Variants in CHMP6 observed in about 807,000 individuals in gnomAD.
The protein encoded by CHMP6 is charged multivesicular body protein 6.
CHMP6 carries 10 observed loss-of-function variants against 32.8 expected under a neutral mutation model. That is an observed-to-expected ratio of 0.30 (90% CI 0.19 to 0.52). The LOEUF is 0.52. CHMP6 is among the 20% of genes least tolerant of loss of function. CHMP6 has a pLI of 0.97. For synonymous variants in CHMP6, 123 were observed against 105.8 expected (o/e 1.16, Z -1.00); for missense variants, 269 against 263.8 (o/e 1.02, Z -0.14).
At chr17:80,998,472 G>A in intron 7 of CHMP6, 52 bp downstream of exon 7, 1 of 1,613,540 alleles carries the variant, frequency 6.2e-7, no homozygotes, top group Non-Finnish European at 8.5e-7. Context: ...GGAGAAAAGT[G>A]GATTCTAGAA....
chr17:80,992,261 C>T (rs970972304), intron 1 of CHMP6, among the ~76,000 whole-genome samples: 1 of 151,904 alleles, frequency 6.6e-6, no homozygotes, highest in African/African-American at 2.4e-5. Flanking sequence ...CGGCTGGTGA[C>T]TGCGGGATTC....
At chr17:80,998,604 G>A (rs756450650) in intron 7 of CHMP6, 184 bp downstream of exon 7, 93 of 1,456,000 alleles carry the variant, frequency 6.4e-5, no homozygotes, top group Non-Finnish European at 7.5e-5. Flanking sequence ...CCAGGGGTTC[G>A]GTAACTGGGC....
chr17:80,995,655 T>C lies in CHMP6; in HGVS notation c.262-17T>C, dbSNP rs1331848358. On this transcript the variant is annotated splice_polypyrimidine_tract_variant and intron_variant, in intron 3 of 7. Transcript: ENST00000325167. Reference sequence around the variant, plus strand: ...CCGGATCCTCAGCACCTGCGTCTGCTCTGGTTTCCTTTTCAGGTTCAGAGT... The same window carrying C: ...CCGGATCCTCAGCACCTGCGTCTGCCCTGGTTTCCTTTTCAGGTTCAGAGT... 1 of 1,612,834 alleles carries C rather than the reference T, an allele frequency of 6.2e-7. No homozygotes were observed. Among genetic ancestry groups the C allele is most frequent in the Non-Finnish European group, 8.5e-7 (1 of 1,178,872 alleles).
At chr17:80,998,166 TGCGTCACCA>T (rs2069655175) in intron 6 of CHMP6, among the ~76,000 whole-genome samples, 191 bp from the exon 7 acceptor site, 1 of 152,146 alleles carries the variant, frequency 6.6e-6, no homozygotes, top group Non-Finnish European at 1.5e-5. Context: ...TGGTAGCGGC[TGCGTCACCA>T]CCTAGGGGAT....
intron 4 of CHMP6, 65 bp from the exon 5 acceptor site, chr17:80,996,942 G>T: frequency 6.7e-7 from 1 of 1,497,716 alleles, no homozygotes. Context: ...AGCCCAGGAG[G>T]CCTCTGTCGG....
chr17:80,994,991 C>T (rs755535557), intron 2 of CHMP6, 28 bp from the exon 3 acceptor site: 16 of 1,568,734 alleles, frequency 1.0e-5, no homozygotes, highest in Admixed American at 9.6e-5. Flanking sequence ...AGGGCCACAG[C>T]GGGTCACTCT....
chr17:80,998,479 A>G (rs1568029625), intron 7 of CHMP6, 59 bp downstream of exon 7: 1 of 1,613,064 alleles, frequency 6.2e-7, no homozygotes, highest in Non-Finnish European at 8.5e-7. Context: ...AGTGGATTCT[A>G]GAAGGGAACA....
At position 80,994,704 on chromosome 17, in the gene CHMP6, G is replaced by A. The variant is rs750259666; in HGVS notation, c.173+14G>A. ...CGGCAGGAAGGAGTGAGTGGGGCCC[G>A]GGCAGCGTGGGCACCCTGTCGGCTG... On this transcript the variant is annotated intron_variant, in intron 2 of 7. Coordinates refer to ENST00000325167, the MANE Select transcript of CHMP6 (RefSeq NM_024591.5). 21 of 1,536,622 alleles carry A rather than the reference G, an allele frequency of 1.4e-5. No individual in the cohort carries two copies. Among genetic ancestry groups the A allele is most frequent in the South Asian group, 3.6e-5 (3 of 82,884 alleles).
chr17:80,996,371 T>G (rs935407417), intron 4 of CHMP6, among the ~76,000 whole-genome samples: 3 of 149,996 alleles, frequency 2.0e-5, no homozygotes, highest in Admixed American at 1.3e-4. Flanking sequence ...CGGCCTCATC[T>G]CAGGCCGGGC....
At chr17:80,996,082 G>C (rs1245893712) in intron 4 of CHMP6, among the ~76,000 whole-genome samples, 1 of 152,082 alleles carries the variant, frequency 6.6e-6, no homozygotes, top group East Asian at 1.9e-4. Flanking sequence ...CACTTTTGGA[G>C]GCCAAGGCAG....
chr17:80,998,231 G>A (rs2069655761), intron 6 of CHMP6, 135 bp from the exon 7 acceptor site: 1 of 1,001,700 alleles, frequency 1.0e-6, no homozygotes, highest in South Asian at 1.5e-5. Context: ...TGGGTCTTCT[G>A]AGCAGCACGT....
chr17:80,998,978 C>G (rs1188919674), intron 7 of CHMP6, 120 bp from the exon 8 acceptor site: 1 of 1,149,986 alleles, frequency 8.7e-7, no homozygotes, highest in East Asian at 2.4e-5. Context: ...GCTGGGCGTG[C>G]CCTTCCCTAG....
chr17:80,996,918 G>A (rs1188981151), intron 4 of CHMP6, 89 bp from the exon 5 acceptor site: 8 of 1,274,364 alleles, frequency 6.3e-6, no homozygotes, highest in Non-Finnish European at 7.7e-6. Flanking sequence ...GAGGGGTGAG[G>A]CCATGGCCCT....
chr17:80,993,492 G>A (rs1376619265), intron 1 of CHMP6, among the ~76,000 whole-genome samples: 1 of 152,188 alleles, frequency 6.6e-6, no homozygotes, highest in Non-Finnish European at 1.5e-5. Context: ...GGAGGGAACC[G>A]GGAATGAGCC....
chr17:80,999,092 C>T lies in CHMP6; in HGVS notation c.551-6C>T, dbSNP rs1168911086. On this transcript the variant is annotated splice_region_variant and splice_polypyrimidine_tract_variant and intron_variant, in intron 7 of 7. Transcript: ENST00000325167. Reference sequence around the variant, plus strand: ...CGTGTCATAAACATCTCTGTTTCCTCCACAGAAAACGTCCCTGTCAAGGCC... The same window carrying T: ...CGTGTCATAAACATCTCTGTTTCCTTCACAGAAAACGTCCCTGTCAAGGCC... 6.2e-7 allele frequency: 1 copy of T among 1,613,946 alleles called. No homozygotes were observed. Among genetic ancestry groups the T allele is most frequent in the African/African-American group, 1.3e-5 (1 of 75,060 alleles).
chr17:80,998,291 G>A (rs1477864734), intron 6 of CHMP6, 75 bp from the exon 7 acceptor site: 1 of 1,532,324 alleles, frequency 6.5e-7, no homozygotes, highest in Non-Finnish European at 9.0e-7. Context: ...CAGGATCCGT[G>A]TCCTCTCGGG....
At position 80,998,402 on chromosome 17, in the gene CHMP6, C is replaced by T. The variant is rs751391493; in HGVS notation, c.532C>T (p.Leu178Phe). Residue 178 changes from leucine to phenylalanine, a missense_variant, in exon 7 of 8, where the codon CTT (leucine) becomes TTT (phenylalanine). Leu to Phe is a conservative substitution (Grantham distance 22). Coordinates refer to ENST00000325167, the MANE Select transcript of CHMP6 (RefSeq NM_024591.5). The stretch of plus-strand genomic sequence containing the variant: ...GCTGCCAGAGGTTCCCTCCGAGCCC[C>T]TTCCTGAGAAGATCCCAGGTATTTC... ...IELPEVPSEP[L>F]PEKIPENVPV... 6.2e-7 allele frequency: 1 copy of T among 1,614,226 alleles called. No individual in the cohort carries two copies. The highest frequency in any genetic ancestry group is 1.3e-5 in the African/African-American group (1 of 75,066).
At chr17:80,996,883 C>T (rs1273209547) in intron 4 of CHMP6, 124 bp from the exon 5 acceptor site, 1 of 1,022,610 alleles carries the variant, frequency 9.8e-7, no homozygotes, top group Non-Finnish European at 1.4e-6. Flanking sequence ...CAGACCTTGT[C>T]TTTAAAAATA....
In CHMP6 at chr17:80,999,457, T is replaced by G; in HGVS notation, c.*304T>G. On this transcript the variant is annotated 3_prime_UTR_variant, in exon 8 of 8. Transcript: ENST00000325167. ...CCCAGGCCCAACGCCTCTGGTGCTG[T>G]TCCCCTGCAGTCCCAGCCCCGCGTG... The G allele has an allele frequency of 2.5e-6, 1 of 399,194 alleles. No homozygotes were observed. 24.7% of individuals were successfully genotyped at this position (399,194 alleles called of 1,614,324 possible).
Sources: gnomAD v4.1 joint callset for allele counts (sites outside exome capture counted in the v4.1 genomes callset) on GRCh38, gnomAD v4.1.1 for gene constraint, MANE v1.5 for transcripts, NCBI Gene and HGNC (gene_info 2026-07-23, HGNC 2026-07-21) for gene names.